The following NIPA1 variants were observed in gnomAD, a reference collection of about 807,000 sequenced individuals.
NIPA1 encodes the protein NIPA magnesium transporter 1.
Under a neutral mutation model 23.9 loss-of-function variants are expected in NIPA1, and 13 were observed. That is an observed-to-expected ratio of 0.54 (90% CI 0.35 to 0.87). The LOEUF is 0.87. Among genes scored for constraint, NIPA1 ranks in the 40% least tolerant of loss-of-function variants. The pLI is 0.01. For missense variants in NIPA1, 362 were observed against 429.7 expected, an observed-to-expected ratio of 0.84 and a Z score of 1.39; for synonymous variants, 234 against 202.9, an observed-to-expected ratio of 1.15 and a Z score of -1.30.
intron 3 of NIPA1, among the ~76,000 whole-genome samples, chr15:22,812,544 T>G (rs1235463996): frequency 6.6e-6 from 1 of 151,858 alleles, no homozygotes; most frequent in Non-Finnish European, 1.5e-5. Context: ...TCCTAGCTAC[T>G]CGGGAGGGTG....
intron 1 of NIPA1, among the ~76,000 whole-genome samples, chr15:22,790,876 C>T (rs190427994): frequency 1.3e-5 from 2 of 152,220 alleles, no homozygotes; most frequent in African/African-American, 2.4e-5. Context: ...AGGGGAGATA[C>T]GCAAGCACCA....
Position 22,826,747 on chromosome 15 carries a change from T to G in NIPA1, c.*2508T>G, listed in dbSNP as rs1295404068. 6.6e-6 allele frequency: 1 copy of G among 152,172 alleles called. No homozygotes were observed. Among genetic ancestry groups the G allele is most frequent in the Non-Finnish European group, 1.5e-5 (1 of 68,018 alleles). 9.4% of individuals were successfully genotyped at this position (152,172 alleles called of 1,614,324 possible). A position where few individuals can be genotyped will look rare whatever the true frequency, so the allele number is the denominator to read the frequency against. ...TTCTACCCTTGAAGGTGACTGGTCC[T>G]GGGACAGTTAGAATCTTTCAGGTTT... On this transcript the variant is annotated 3_prime_UTR_variant, in exon 5 of 5. Coordinates refer to ENST00000337435, the MANE Select transcript of NIPA1 (RefSeq NM_144599.5).
intron 1 of NIPA1, among the ~76,000 whole-genome samples, chr15:22,791,762 G>T (rs1410798650): frequency 6.6e-6 from 1 of 152,070 alleles, no homozygotes; most frequent in African/African-American, 2.4e-5. Context: ...CACCGCACCT[G>T]GCCCTCTTTC....
chr15:22,786,465 C>A (rs1894698348), upstream of NIPA1, among the ~76,000 whole-genome samples: 1 of 151,888 alleles, frequency 6.6e-6, no homozygotes. Flanking sequence ...ACTGCCGCCG[C>A]GTCCGGCGCC....
intron 1 of NIPA1, among the ~76,000 whole-genome samples, chr15:22,794,827 C>T (rs1894908382): frequency 6.6e-6 from 1 of 152,160 alleles, no homozygotes; most frequent in Non-Finnish European, 1.5e-5. Flanking sequence ...CGGACCCTGA[C>T]ATGAGGTCAT....
Position 22,820,352 on chromosome 15 carries a change from C to A in NIPA1, c.357C>A (p.Asn119Lys). ...CCTATCTCCTGAAGGAAAAGCTCAA[C>A]ATCTTGGGCAAGTTGGGGTGCCTGC... Reference protein sequence around the residue: ...LASYLLKEKLNILGKLGCLLS... With the variant: ...LASYLLKEKLKILGKLGCLLS... The change falls in exon 4 of 5, where the codon AAC (asparagine) becomes AAA (lysine). Residue 119 changes from asparagine (N) to lysine (K), a missense_variant. Physicochemically the swap from Asn to Lys is moderately conservative, Grantham distance 94. This residue lies in a region of NIPA1 where 277 missense variants were observed against 372.0 expected (regional missense o/e 0.74). Transcript: ENST00000337435. The A allele has an allele frequency of 6.2e-7, 1 of 1,612,742 alleles. No individual in the cohort carries two copies. Among genetic ancestry groups the A allele is most frequent in the Non-Finnish European group, 8.5e-7 (1 of 1,178,698 alleles).
At chr15:22,807,891 T>C (rs1297974830) in intron 1 of NIPA1, among the ~76,000 whole-genome samples, 1 of 151,710 alleles carries the variant, frequency 6.6e-6, no homozygotes, top group Non-Finnish European at 1.5e-5. Flanking sequence ...TCATGCCATT[T>C]TCCTGCCTCA....
intron 1 of NIPA1, among the ~76,000 whole-genome samples, chr15:22,801,447 C>T (rs1384893013): frequency 6.6e-6 from 1 of 150,450 alleles, no homozygotes; most frequent in African/African-American, 2.4e-5. Context: ...AGAGAGATTG[C>T]CTTTAGTTAA....
Position 22,820,306 on chromosome 15 carries a change from A to T in NIPA1, c.318-7A>T. The T allele has an allele frequency of 6.3e-7, 1 of 1,599,438 alleles. No individual in the cohort carries two copies. The highest frequency in any genetic ancestry group is 8.6e-7 in the Non-Finnish European group (1 of 1,167,264). On this transcript the variant is annotated splice_region_variant and splice_polypyrimidine_tract_variant and intron_variant, in intron 3 of 4. Coordinates refer to ENST00000337435, the MANE Select transcript of NIPA1 (RefSeq NM_144599.5). ...AAACTTTAATGATTTCTCTTTTTTCAATAAAGGTCCATTTTAGCTTCCTAT... is the reference window on the plus strand; with the variant it reads ...AAACTTTAATGATTTCTCTTTTTTCTATAAAGGTCCATTTTAGCTTCCTAT...
At chr15:22,797,579 C>T (rs1472987678) in intron 1 of NIPA1, among the ~76,000 whole-genome samples, 1 of 146,440 alleles carries the variant, frequency 6.8e-6, no homozygotes, top group Non-Finnish European at 1.5e-5. Context: ...AATCTCGGCA[C>T]ACTGCAACTT....
intron 1 of NIPA1, among the ~76,000 whole-genome samples, chr15:22,799,899 G>C (rs7166756): frequency 0.59 from 80,374 of 136,882 alleles, 24,083 homozygotes; most frequent in African/African-American, 0.77. Flanking sequence ...AGCCAAGATC[G>C]CACCACTGCA....
rs1160913727 is a variant in NIPA1, at chr15:22,825,434, A to C, written c.*1195A>C. ...AGCAAATTGACCCCTTTAACATGTG[A>C]TTATTGTCCAATTAAAGACAGTTGA... On this transcript the variant is annotated 3_prime_UTR_variant, in exon 5 of 5. Transcript: ENST00000337435. The C allele has an allele frequency of 6.6e-6, 1 of 152,218 alleles. No homozygotes were observed. The highest frequency in any genetic ancestry group is 2.4e-5 in the African/African-American group (1 of 41,454). 9.4% of individuals were successfully genotyped at this position (152,218 alleles called of 1,614,324 possible). A position where few individuals can be genotyped will look rare whatever the true frequency, so the allele number is the denominator to read the frequency against.
chr15:22,787,183 C>A (rs1595627069), intron 1 of NIPA1, among the ~76,000 whole-genome samples: 1 of 152,104 alleles, frequency 6.6e-6, no homozygotes, highest in Admixed American at 6.5e-5. Context: ...CCCCGCGCCG[C>A]CCGGCAGCCC....
At chr15:22,808,419 C>T (rs1341143340) in intron 1 of NIPA1, among the ~76,000 whole-genome samples, 1 of 152,144 alleles carries the variant, frequency 6.6e-6, no homozygotes, top group Non-Finnish European at 1.5e-5. Context: ...TCCAGTGGAG[C>T]CTGGCAGCAG....
chr15:22,799,597 A>G (rs1297725933), intron 1 of NIPA1, among the ~76,000 whole-genome samples: 4 of 152,022 alleles, frequency 2.6e-5, no homozygotes, highest in Admixed American at 6.6e-5. Context: ...CCTGGCTAAC[A>G]CGGTGAAACC....
In NIPA1 at chr15:22,820,107, G is replaced by C. The variant is rs1301510246; in HGVS notation, c.318-206G>C. ...AGCTACTCCGGTGGCTGAGGTAGGA[G>C]GATCACTTGAGCCCAGGAGTTCAAG... On this transcript the variant is annotated intron_variant, in intron 3 of 4. Transcript: ENST00000337435. Among the ~76,000 whole-genome samples the C allele has an allele frequency of 2.6e-5, 4 of 152,152 alleles. No individual in the cohort carries two copies. In the East Asian group the frequency reaches 7.7e-4, roughly 29 times the overall value.
intron 1 of NIPA1, among the ~76,000 whole-genome samples, chr15:22,794,988 G>T (rs1461243183): frequency 1.3e-5 from 2 of 152,162 alleles, no homozygotes; most frequent in Non-Finnish European, 2.9e-5. Flanking sequence ...GGAGGAATGG[G>T]CTGGACACGG....
At chr15:22,810,544 A>G (rs566180326) in intron 1 of NIPA1, among the ~76,000 whole-genome samples, 101 of 152,228 alleles carry the variant, frequency 6.6e-4, no homozygotes, top group Middle Eastern at 3.4e-3. Context: ...TTGGTTGCAA[A>G]AAATATCTTG....
Position 22,810,811 on chromosome 15 carries a change from T to C in NIPA1, c.226+15T>C. 6.3e-7 allele frequency: 1 copy of C among 1,594,606 alleles called. No homozygotes were observed. ...CACAATCGCAAGTAAGTAGCCTGTG[T>C]GGCGAAGTCTGGTCTTTTCCTTTCT... On this transcript the variant is annotated intron_variant, in intron 2 of 4. Transcript: ENST00000337435.
Sources: allele counts gnomAD v4.1 joint callset (sites outside exome capture counted in the v4.1 genomes callset), GRCh38; gene constraint gnomAD v4.1.1; regional missense constraint gnomAD v4.1.1; transcripts MANE v1.5; gene names NCBI Gene and HGNC (gene_info 2026-07-23, HGNC 2026-07-21).